Variants in PRKCH observed in about 807,000 individuals in gnomAD.
PRKCH encodes protein kinase C eta, also known as protein kinase C eta type.
In PRKCH, 28 loss-of-function variants were observed where a neutral mutation model predicts 82.5. The observed-to-expected ratio is 0.34, with a 90% confidence interval of 0.25 to 0.47. The LOEUF (loss-of-function observed/expected upper bound fraction) is 0.47, where lower values mean the gene tolerates loss of function less well. PRKCH is among the 20% of genes least tolerant of loss of function. The pLI is 1.00. For missense variants in PRKCH, 705 were observed against 881.8 expected, an observed-to-expected ratio of 0.80 and a Z score of 2.54; for synonymous variants, 322 against 327.4, an observed-to-expected ratio of 0.98 and a Z score of 0.18.
At chr14:61,348,432 G>A (rs2046025754) in intron 1 of PRKCH, among the ~76,000 whole-genome samples, 1 of 152,194 alleles carries the variant, frequency 6.6e-6, no homozygotes, top group Non-Finnish European at 1.5e-5. Flanking sequence ...GTTTGCTTGG[G>A]GAAACAGAAG....
intron 1 of PRKCH, among the ~76,000 whole-genome samples, chr14:61,259,820 C>T (rs928604608): frequency 1.8e-4 from 27 of 152,168 alleles, no homozygotes; most frequent in Middle Eastern, 3.4e-3. Flanking sequence ...CCATTTTCCC[C>T]GATTTGTTTT....
chr14:61,538,358 C>T (rs1445126960), intron 12 of PRKCH, among the ~76,000 whole-genome samples: 2 of 152,202 alleles, frequency 1.3e-5, no homozygotes, highest in South Asian at 2.1e-4. Context: ...GAACCGTTTG[C>T]TCACAGATCA....
At chr14:61,320,492 G>C (rs186721937), upstream of PRKCH, among the ~76,000 whole-genome samples, 3 of 152,260 alleles carry the variant, frequency 2.0e-5, no homozygotes, top group East Asian at 1.9e-4. Flanking sequence ...CCAGCTACTC[G>C]GGAGGCTGGG....
At chr14:61,385,919 G>A (rs1424941049) in intron 1 of PRKCH, among the ~76,000 whole-genome samples, 3 of 152,180 alleles carry the variant, frequency 2.0e-5, no homozygotes, top group Non-Finnish European at 4.4e-5. Context: ...GTCTGGAAAG[G>A]TCCCCCTATA....
intron 1 of PRKCH, among the ~76,000 whole-genome samples, chr14:61,331,498 G>A (rs2045787815): frequency 6.6e-6 from 1 of 152,116 alleles, no homozygotes; most frequent in South Asian, 2.1e-4. Context: ...CTCAGCCTGG[G>A]CAACAGAGTG....
chr14:61,457,446 C>A, intron 8 of PRKCH, 60 bp from the exon 9 acceptor site: 1 of 1,595,640 alleles, frequency 6.3e-7, no homozygotes, highest in Non-Finnish European at 8.6e-7. Flanking sequence ...CTGTTGTGTG[C>A]ACACACCCTA....
chr14:61,229,723 C>A (rs1026089207), intron 1 of PRKCH, among the ~76,000 whole-genome samples: 7 of 152,082 alleles, frequency 4.6e-5, no homozygotes. Context: ...AAATTGTCCC[C>A]GACACCCCAC....
intron 1 of PRKCH, among the ~76,000 whole-genome samples, chr14:61,218,365 C>T (rs2044629796): frequency 1.3e-5 from 2 of 152,112 alleles, no homozygotes; most frequent in Admixed American, 6.6e-5. Flanking sequence ...AAACAAGAAA[C>T]GGAAGCATGA....
chr14:61,355,946 G>C (rs1293250377), intron 1 of PRKCH, among the ~76,000 whole-genome samples: 1 of 152,156 alleles, frequency 6.6e-6, no homozygotes, highest in Non-Finnish European at 1.5e-5. Flanking sequence ...TCTTATACTT[G>C]GTAGAAACTG....
chr14:61,345,069 TG>T (rs1333260537), intron 1 of PRKCH, among the ~76,000 whole-genome samples: 1 of 152,150 alleles, frequency 6.6e-6, no homozygotes, highest in Non-Finnish European at 1.5e-5. Context: ...TTCCCTTTTC[TG>T]GTATATTTCT....
chr14:61,423,715 G>T (rs1882973801), intron 2 of PRKCH, among the ~76,000 whole-genome samples: 1 of 152,176 alleles, frequency 6.6e-6, no homozygotes, highest in East Asian at 1.9e-4. Context: ...GTTCAGGATT[G>T]GGAGGGCCTT....
chr14:61,428,112 C>CACATATATAT lies in PRKCH; in HGVS notation c.428-14998_428-14997insCATATATATA, dbSNP rs1391102641. ...ACACACACACATATATATATACACA[C>CACATATATAT]ATATATATATATATATATATGTATC... is the stretch of plus-strand genomic sequence containing the variant. On this transcript the variant is annotated intron_variant, in intron 2 of 13. Coordinates refer to ENST00000332981, the MANE Select transcript of PRKCH (RefSeq NM_006255.5). 1.4e-4 allele frequency among the ~76,000 whole-genome samples: 21 copies of CACATATATAT among 145,588 alleles called. No homozygotes were observed. The East Asian group carries it at 2.0e-3, about 14-fold the overall frequency.
At chr14:61,451,910 A>C (rs1884527745) in intron 6 of PRKCH, among the ~76,000 whole-genome samples, 1 of 152,200 alleles carries the variant, frequency 6.6e-6, no homozygotes, top group Non-Finnish European at 1.5e-5. Context: ...TCTGTAGAAC[A>C]CTAATAATTT....
intron 9 of PRKCH, among the ~76,000 whole-genome samples, chr14:61,482,206 A>C (rs1886009338): frequency 6.6e-6 from 1 of 152,166 alleles, no homozygotes; most frequent in South Asian, 2.1e-4. Context: ...CACGTTGCCC[A>C]GGCTGGTTTT....
chr14:61,334,588 C>A (rs1202554413), intron 1 of PRKCH, among the ~76,000 whole-genome samples: 5 of 152,152 alleles, frequency 3.3e-5, no homozygotes, highest in Non-Finnish European at 1.5e-5. Flanking sequence ...ACCGTGAGAA[C>A]AAGCTTGGCA....
chr14:61,391,599 C>CCAAAGACGTAA lies in PRKCH; in HGVS notation c.427+311_427+312insCAAAGACGTAA, dbSNP rs1555382644. On this transcript the variant is annotated intron_variant, in intron 2 of 13. Transcript: ENST00000332981. The stretch of plus-strand genomic sequence containing the variant: ...TTTGGTTCATGACTGTGGAACTCTA[C>CCAAAGACGTAA]GTCTTTGGTTTTGTGCCATCTTTTA... Among the ~76,000 whole-genome samples, 508 of 152,064 alleles carry CCAAAGACGTAA rather than the reference C, an allele frequency of 3.3e-3. 2 individuals are homozygous for CCAAAGACGTAA. Among genetic ancestry groups the CCAAAGACGTAA allele is most frequent in the African/African-American group, 0.011 (473 of 41,436 alleles).
intron 1 of PRKCH, among the ~76,000 whole-genome samples, chr14:61,366,545 ACC>A (rs2046298963): frequency 6.6e-6 from 1 of 152,064 alleles, no homozygotes; most frequent in Non-Finnish European, 1.5e-5. Context: ...CTTTGGGTGA[ACC>A]CAGCCTGACA....
chr14:61,351,124 C>A (rs1160103602), intron 1 of PRKCH, among the ~76,000 whole-genome samples: 1 of 152,114 alleles, frequency 6.6e-6, no homozygotes, highest in Non-Finnish European at 1.5e-5. Flanking sequence ...GCAGAAGTTT[C>A]ATAAAAAGAT....
chr14:61,524,000 T>G lies in PRKCH; in HGVS notation c.1434-5075T>G, dbSNP rs148020785. On this transcript the variant is annotated intron_variant, in intron 10 of 13. Coordinates refer to ENST00000332981, the MANE Select transcript of PRKCH (RefSeq NM_006255.5). ...ATGGGAGTTGTGTCATTCTCCCTAC[T>G]TTTGTCTGTTTTGAAATTTCCCATA... Among the ~76,000 whole-genome samples the G allele has an allele frequency of 3.6e-3, 544 of 152,354 alleles. 4 individuals carry two copies. Among genetic ancestry groups the G allele is most frequent in the African/African-American group, 0.013 (521 of 41,582 alleles).
Sources: allele counts gnomAD v4.1 joint callset (sites outside exome capture counted in the v4.1 genomes callset), GRCh38; gene constraint gnomAD v4.1.1; transcripts MANE v1.5; gene names NCBI Gene and HGNC (gene_info 2026-07-23, HGNC 2026-07-21).